Variants in ABCD3 observed in about 807,000 individuals in gnomAD.
ABCD3 encodes ATP binding cassette subfamily D member 3, also known as ATP-binding cassette sub-family D member 3.
ABCD3 carries 41 observed loss-of-function variants against 105.5 expected under a neutral mutation model. The ratio of observed to expected loss-of-function variants is 0.39; its 90% CI spans 0.30 to 0.50. The LOEUF is 0.50. ABCD3 is among the 20% of genes least tolerant of loss of function. The pLI is 0.84. For missense variants in ABCD3, 622 were observed against 806.3 expected (o/e 0.77, Z 2.77); for synonymous variants, 258 against 269.0 (o/e 0.96, Z 0.40).
the ABCD3 span, among the ~76,000 whole-genome samples, chr1:94,407,670 T>C: frequency 6.6e-6 from 1 of 152,210 alleles, no homozygotes; most frequent in South Asian, 2.1e-4. Flanking sequence ...AACTGAGGAA[T>C]CTGGATCTCG....
chr1:94,450,001 A>G (rs907669373), intron 1 of ABCD3, among the ~76,000 whole-genome samples: 1 of 152,212 alleles, frequency 6.6e-6, no homozygotes, highest in South Asian at 2.1e-4. Context: ...ACACTCTACA[A>G]ACTTGTCTTT....
chr1:94,487,797 CTGA>C lies in ABCD3; in HGVS notation c.1065+11_1065+13del, dbSNP rs1380911557. ...CACATTCGGAACTTCTAGAGGTAAA[CTGA>C]TGATAATACAATGAAAATGTAACAG... On this transcript the variant is annotated splice_region_variant and intron_variant, in intron 12 of 22. Coordinates refer to ENST00000370214, the MANE Select transcript of ABCD3 (RefSeq NM_002858.4). The C allele has an allele frequency of 1.2e-6, 2 of 1,613,032 alleles. No individual in the cohort carries two copies. The highest frequency in any genetic ancestry group is 1.7e-6 in the Non-Finnish European group (2 of 1,179,320).
At chr1:94,510,975 C>T (rs1321688176) in intron 21 of ABCD3, among the ~76,000 whole-genome samples, 1 of 152,052 alleles carries the variant, frequency 6.6e-6, no homozygotes, top group Non-Finnish European at 1.5e-5. Context: ...TTAATTGGAG[C>T]ATTTAGTCCA....
intron 6 of ABCD3, 125 bp from the exon 7 acceptor site, chr1:94,475,489 C>G (rs1648694269): frequency 2.0e-6 from 2 of 999,420 alleles, no homozygotes; most frequent in South Asian, 1.5e-5. Context: ...TCAATAGGAT[C>G]TCTTCTGGCT....
At chr1:94,416,107 A>G (rs186213290), upstream of ABCD3, among the ~76,000 whole-genome samples, 2 of 152,236 alleles carry the variant, frequency 1.3e-5, no homozygotes, top group African/African-American at 2.4e-5. Flanking sequence ...TTTGAAATCT[A>G]TTTTCTAGAC....
At chr1:94,419,706 C>A (rs1328253064) in intron 1 of ABCD3, among the ~76,000 whole-genome samples, 1 of 151,958 alleles carries the variant, frequency 6.6e-6, no homozygotes. Flanking sequence ...TTTATAGTAC[C>A]CTTTCCATTA....
At chr1:94,502,352 GA>G in intron 20 of ABCD3, among the ~76,000 whole-genome samples, 1 of 152,256 alleles carries the variant, frequency 6.6e-6, no homozygotes, top group Non-Finnish European at 1.5e-5. Context: ...TTCAAAGAAA[GA>G]TAGGCTATTA....
the ABCD3 span, among the ~76,000 whole-genome samples, chr1:94,396,694 A>C: frequency 1.3e-5 from 2 of 152,290 alleles, no homozygotes; most frequent in South Asian, 4.1e-4. Flanking sequence ...TATAACATTA[A>C]GTATTTCTAT....
chr1:94,391,089 A>G, the ABCD3 span, among the ~76,000 whole-genome samples: 3 of 152,186 alleles, frequency 2.0e-5, no homozygotes, highest in African/African-American at 7.2e-5. Flanking sequence ...ATATCCTTGC[A>G]GTAGTATTGC....
chr1:94,413,947 G>A (rs1167113824), upstream of ABCD3, among the ~76,000 whole-genome samples: 3 of 152,180 alleles, frequency 2.0e-5, no homozygotes, highest in Non-Finnish European at 4.4e-5. Context: ...AGGAGACCAT[G>A]AACGCTTCGT....
In ABCD3 at chr1:94,466,604, CAA is replaced by C. The variant is rs528334335; in HGVS notation, c.247-1313_247-1312del. Reference sequence around the variant, plus strand: ...ATCCTGTACGTCCCCACAACAAAAACAAATATGTTTTTAAAAATTGCTTAATG... The same window carrying C: ...ATCCTGTACGTCCCCACAACAAAAACATATGTTTTTAAAAATTGCTTAATG... On this transcript the variant is annotated intron_variant, in intron 3 of 22. Coordinates refer to ENST00000370214, the MANE Select transcript of ABCD3 (RefSeq NM_002858.4). Among the ~76,000 whole-genome samples the C allele has an allele frequency of 2.3e-3, 352 of 152,230 alleles. 3 individuals are homozygous for C. The highest frequency in any genetic ancestry group is 7.8e-3 in the African/African-American group (326 of 41,540).
At chr1:94,508,765 G>C (rs1166238534) in intron 21 of ABCD3, among the ~76,000 whole-genome samples, 2 of 152,110 alleles carry the variant, frequency 1.3e-5, no homozygotes, top group Non-Finnish European at 2.9e-5. Context: ...TTGTGAATGG[G>C]AGTTCACTCG....
intron 10 of ABCD3, 63 bp downstream of exon 10, chr1:94,483,302 G>A (rs1570802631): frequency 7.9e-7 from 1 of 1,268,406 alleles, no homozygotes; most frequent in Non-Finnish European, 1.2e-6. Context: ...TGTTTGTTTT[G>A]CCTATGGCCG....
At chr1:94,401,862 G>A in the ABCD3 span, among the ~76,000 whole-genome samples, 1 of 152,138 alleles carries the variant, frequency 6.6e-6, no homozygotes, top group Non-Finnish European at 1.5e-5. Flanking sequence ...TATTCAGTTT[G>A]ATGAGTTTTG....
chr1:94,451,757 A>G (rs1357290639), intron 1 of ABCD3, among the ~76,000 whole-genome samples: 2 of 152,166 alleles, frequency 1.3e-5, no homozygotes, highest in African/African-American at 2.4e-5. Flanking sequence ...GTTATTCTTT[A>G]TTGTAGTCAG....
intron 10 of ABCD3, among the ~76,000 whole-genome samples, chr1:94,484,158 G>A (rs775453521): frequency 2.0e-5 from 3 of 152,162 alleles, no homozygotes; most frequent in Admixed American, 6.5e-5. Flanking sequence ...GAGAGGATGT[G>A]GAGAAATAGG....
chr1:94,400,906 A>G, the ABCD3 span, among the ~76,000 whole-genome samples: 9 of 152,174 alleles, frequency 5.9e-5, no homozygotes, highest in Non-Finnish European at 8.8e-5. Context: ...TCATGAGGGC[A>G]CTGCTCTCTT....
intron 16 of ABCD3, among the ~76,000 whole-genome samples, chr1:94,498,314 C>T (rs1217232581): frequency 6.6e-6 from 1 of 151,998 alleles, no homozygotes; most frequent in African/African-American, 2.4e-5. Context: ...TCAAGCGATC[C>T]TCCTGCCTTA....
intron 1 of ABCD3, chr1:94,418,870 C>T (rs1343545061): frequency 3.9e-6 from 2 of 509,408 alleles, no homozygotes; most frequent in Admixed American, 3.5e-5. Flanking sequence ...CAGGCAGCGG[C>T]CTCCAGTTGG....
Sources: allele counts gnomAD v4.1 joint callset (sites outside exome capture counted in the v4.1 genomes callset), GRCh38; gene constraint gnomAD v4.1.1; transcripts MANE v1.5; gene names NCBI Gene and HGNC (gene_info 2026-07-23, HGNC 2026-07-21).